The following SEMA3D variants were observed in gnomAD, a reference collection of about 807,000 sequenced individuals.
SEMA3D encodes semaphorin-3D.
SEMA3D carries 84 observed loss-of-function variants against 100.1 expected under a neutral mutation model. That is an observed-to-expected ratio of 0.84 (90% CI 0.70 to 1.01). SEMA3D has a LOEUF of 1.01. SEMA3D is among the 50% of genes least tolerant of loss of function. The probability of loss-of-function intolerance (pLI) is 0.00; values close to 1 mark genes in which losing one functional copy is unlikely to be tolerated. For missense variants in SEMA3D, 875 were observed against 934.1 expected (o/e 0.94, Z 0.82); for synonymous variants, 312 against 320.7 (o/e 0.97, Z 0.29).
At chr7:85,107,037 T>C (rs1471641459) in intron 3 of SEMA3D, among the ~76,000 whole-genome samples, 2 of 152,080 alleles carry the variant, frequency 1.3e-5, no homozygotes, top group African/African-American at 4.8e-5. Context: ...ATGTGTCTTC[T>C]CTTTTTCTTG....
At chr7:85,216,126 C>T in the SEMA3D span, among the ~76,000 whole-genome samples, 1 of 152,058 alleles carries the variant, frequency 6.6e-6, no homozygotes, top group African/African-American at 2.4e-5. Flanking sequence ...GTGAAGCTCA[C>T]ACTGTGGATG....
At chr7:85,176,348 A>G (rs1463367507) in intron 1 of SEMA3D, among the ~76,000 whole-genome samples, 3 of 152,194 alleles carry the variant, frequency 2.0e-5, no homozygotes, top group Non-Finnish European at 4.4e-5. Flanking sequence ...CTATTGTTTC[A>G]GAAAATTCAG....
chr7:85,143,678 A>G (rs1476953610), intron 2 of SEMA3D, among the ~76,000 whole-genome samples: 1 of 152,074 alleles, frequency 6.6e-6, no homozygotes, highest in Non-Finnish European at 1.5e-5. Flanking sequence ...ATCCAGTTGT[A>G]TAATATCGTC....
At chr7:85,209,768 A>G in the SEMA3D span, among the ~76,000 whole-genome samples, 1 of 152,102 alleles carries the variant, frequency 6.6e-6, no homozygotes, top group Non-Finnish European at 1.5e-5. Context: ...ATAGTTGTTC[A>G]GCTCTTAAGC....
At chr7:85,249,279 T>G in the SEMA3D span, among the ~76,000 whole-genome samples, 2 of 152,100 alleles carry the variant, frequency 1.3e-5, no homozygotes, top group Admixed American at 1.3e-4. Flanking sequence ...ACCAATTATC[T>G]TCACAGCAAT....
At chr7:85,096,690 AGAAGT>A (rs1788563698) in intron 4 of SEMA3D, among the ~76,000 whole-genome samples, 1 of 151,942 alleles carries the variant, frequency 6.6e-6, no homozygotes, top group South Asian at 2.1e-4. Context: ...GTTCTATTTC[AGAAGT>A]GAAGTAATAT....
intron 9 of SEMA3D, among the ~76,000 whole-genome samples, chr7:85,053,035 A>G (rs1477306959): frequency 6.6e-6 from 1 of 151,984 alleles, no homozygotes; most frequent in Non-Finnish European, 1.5e-5. Context: ...TTCAGTTAGT[A>G]GCTGAAGATG....
chr7:85,225,440 A>G, the SEMA3D span, among the ~76,000 whole-genome samples: 3 of 151,620 alleles, frequency 2.0e-5, no homozygotes, highest in African/African-American at 7.3e-5. Context: ...GGATGTTAGA[A>G]GCCTATGTTT....
intron 3 of SEMA3D, among the ~76,000 whole-genome samples, chr7:85,104,822 C>T (rs1788864172): frequency 6.6e-6 from 1 of 151,678 alleles, no homozygotes; most frequent in Non-Finnish European, 1.5e-5. Flanking sequence ...ATGCTTCCCA[C>T]ATCCTTTAAA....
intron 1 of SEMA3D, among the ~76,000 whole-genome samples, chr7:85,157,030 T>A (rs2116506249): frequency 1.3e-5 from 2 of 152,322 alleles, no homozygotes; most frequent in East Asian, 3.9e-4. Flanking sequence ...ACACAGAAGG[T>A]CACTGTGCAG....
At chr7:85,063,992 CA>C (rs1156918617) in intron 8 of SEMA3D, among the ~76,000 whole-genome samples, 1 of 152,120 alleles carries the variant, frequency 6.6e-6, no homozygotes, top group Non-Finnish European at 1.5e-5. Flanking sequence ...TAAACCAATT[CA>C]AAGGCTTCCT....
the SEMA3D span, among the ~76,000 whole-genome samples, chr7:85,204,766 C>T: frequency 4.6e-5 from 7 of 152,204 alleles, no homozygotes; most frequent in South Asian, 1.4e-3. Flanking sequence ...GCCTTAGGAA[C>T]CAGCCTTCTT....
Position 84,997,573 on chromosome 7 carries a change from C to T in SEMA3D, c.*1867G>A, listed in dbSNP as rs1789536255. On this transcript the variant is annotated 3_prime_UTR_variant, in exon 19 of 19. Transcript: ENST00000284136. ...CAGTATAATATCAAAAGGGAGTACT[C>T]AATCTCATATATCAGTTTGACTACT... 6.6e-6 allele frequency: 1 copy of T among 152,086 alleles called. No individual in the cohort carries two copies. Among genetic ancestry groups the T allele is most frequent in the Non-Finnish European group, 1.5e-5 (1 of 67,966 alleles). 9.4% of individuals were successfully genotyped at this position (152,086 alleles called of 1,614,324 possible). A position where few individuals can be genotyped will look rare whatever the true frequency, so the allele number is the denominator to read the frequency against.
chr7:85,199,309 A>G, the SEMA3D span, among the ~76,000 whole-genome samples: 5 of 136,256 alleles, frequency 3.7e-5, no homozygotes, highest in African/African-American at 1.3e-4. Context: ...CTTCTTTAAC[A>G]TTATCGTTAT....
chr7:85,015,018 G>A, intron 16 of SEMA3D, 41 bp downstream of exon 16: 2 of 1,502,342 alleles, frequency 1.3e-6, no homozygotes, highest in Non-Finnish European at 9.2e-7. Flanking sequence ...TATTCAGCTT[G>A]TAGAAAGGAA....
At chr7:85,153,333 T>C (rs1389990775) in intron 2 of SEMA3D, among the ~76,000 whole-genome samples, 3 of 152,172 alleles carry the variant, frequency 2.0e-5, no homozygotes, top group Non-Finnish European at 4.4e-5. Flanking sequence ...ATTAAGATGA[T>C]ACAGCAGAGA....
the SEMA3D span, among the ~76,000 whole-genome samples, chr7:85,226,480 C>T: frequency 3.9e-5 from 6 of 152,162 alleles, no homozygotes; most frequent in South Asian, 1.2e-3. Flanking sequence ...CCCTTTTTCA[C>T]TTAAATATGG....
intron 1 of SEMA3D, among the ~76,000 whole-genome samples, chr7:85,184,332 C>T (rs1320238000): frequency 6.6e-6 from 1 of 152,126 alleles, no homozygotes; most frequent in African/African-American, 2.4e-5. Context: ...TTGGGCACAT[C>T]AAGCAACATT....
chr7:85,125,446 TTCCTTGTAA>T (rs1459647371), intron 2 of SEMA3D, among the ~76,000 whole-genome samples: 1 of 152,106 alleles, frequency 6.6e-6, no homozygotes, highest in East Asian at 1.9e-4. Flanking sequence ...AGTAACACTG[TTCCTTGTAA>T]CCAAACTCAT....
Sources: gnomAD v4.1 joint callset for allele counts (sites outside exome capture counted in the v4.1 genomes callset) on GRCh38, gnomAD v4.1.1 for gene constraint, MANE v1.5 for transcripts, NCBI Gene and HGNC (gene_info 2026-07-23, HGNC 2026-07-21) for gene names.